GGA2: variants seen among roughly 807,000 people sequenced by gnomAD.
The protein encoded by GGA2 is ADP-ribosylation factor-binding protein GGA2.
Under a neutral mutation model 79.5 loss-of-function variants are expected in GGA2, and 48 were observed. The observed-to-expected ratio is 0.60, with a 90% CI of 0.48 to 0.77. The LOEUF is 0.77. Ranked by LOEUF, GGA2 falls within the 30% of genes least tolerant of loss-of-function variation. The pLI is 0.00. For missense variants in GGA2, 770 were observed against 774.0 expected, an observed-to-expected ratio of 0.99 and a Z score of 0.06; for synonymous variants, 317 against 302.0, an observed-to-expected ratio of 1.05 and a Z score of -0.51.
intron 1 of GGA2, among the ~76,000 whole-genome samples, chr16:23,497,386 C>G (rs984616136): frequency 6.6e-6 from 1 of 152,172 alleles, no homozygotes; most frequent in Non-Finnish European, 1.5e-5. Context: ...AACCCCACTG[C>G]TTCTCCCTCT....
chr16:23,509,810 A>G (rs538339204), intron 1 of GGA2, among the ~76,000 whole-genome samples: 1 of 151,288 alleles, frequency 6.6e-6, no homozygotes, highest in South Asian at 2.1e-4. Context: ...GTCTGGCCAA[A>G]GTAAACACAA....
upstream of GGA2, chr16:23,510,553 G>GCCCCC (rs36021060): frequency 1.8e-5 from 7 of 381,938 alleles, no homozygotes; most frequent in East Asian, 3.8e-5. Context: ...CCCACCCCAG[G>GCCCCC]CCCCCCCTCC....
At position 23,467,654 on chromosome 16, in the gene GGA2, T is replaced by C. The variant is rs1964458438; in HGVS notation, c.1778A>G (p.Gln593Arg). 15 of 1,610,320 alleles carry C rather than the reference T, an allele frequency of 9.3e-6. No homozygotes were observed. The highest frequency in any genetic ancestry group is 1.3e-5 in the Non-Finnish European group (15 of 1,176,582). Residue 593 changes from glutamine (Q) to arginine (R), a missense_variant, in exon 17 of 17, where the codon CAG (glutamine) becomes CGG (arginine). Coordinates refer to ENST00000309859, the MANE Select transcript of GGA2 (RefSeq NM_015044.4). ...RYKLTFNQGG[Q>R]PFSEVGEVKD... ...CACTTCTCCTACTTCGCTGAAAGGC[T>C]GTCCACCTTGGTTGAATGTCAGCTT... is the stretch of plus-strand genomic sequence containing the variant.
chr16:23,478,907 G>A lies in GGA2; in HGVS notation c.1134C>T (p.Ile378=). ...LLHQDLAALG[I]SDAPVTGMVS... is the part of the protein sequence containing the mutation. ...CCATGCCTGTAACAGGAGCATCACT[G>A]ATTCCTGTAAGAAAGGAGTAGAGTG... The change falls in exon 12 of 17, where the codon ATC becomes ATT. Residue 378 remains isoleucine, a synonymous_variant. Coordinates refer to ENST00000309859, the MANE Select transcript of GGA2 (RefSeq NM_015044.4). 1 of 1,603,418 alleles carries A rather than the reference G, an allele frequency of 6.2e-7. No homozygotes were observed. Among genetic ancestry groups the A allele is most frequent in the Non-Finnish European group, 8.5e-7 (1 of 1,170,636 alleles).
At chr16:23,495,802 G>A in intron 1 of GGA2, 24 bp from the exon 2 acceptor site, 1 of 1,520,804 alleles carries the variant, frequency 6.6e-7, no homozygotes, top group Non-Finnish European at 9.1e-7. Flanking sequence ...AATAAAGTTA[G>A]AGAGTACATA....
upstream of GGA2, among the ~76,000 whole-genome samples, chr16:23,515,422 C>T (rs902181435): frequency 1.3e-5 from 2 of 151,402 alleles, no homozygotes; most frequent in South Asian, 2.1e-4. Flanking sequence ...CATGACAAAA[C>T]CCCTTCTCTA....
In GGA2 at chr16:23,486,037, G is replaced by A. The variant is rs775489102; in HGVS notation, c.776C>T (p.Pro259Leu). The change falls in exon 8 of 17, where the codon CCG (proline) becomes CTG (leucine). Residue 259 changes from proline (P) to leucine (L), a missense_variant. By Grantham distance (98) the Pro-to-Leu change is moderately conservative. Transcript: ENST00000309859. ...TACCTGCAGGGCCTCCTGGTCGGGC[G>A]GGGCCTGCCCTGGCCTGCGGTACAT... ...LSMYRRPGQA[P>L]PDQEALQVVY... is the part of the protein sequence containing the mutation. 1.1e-5 allele frequency: 18 copies of A among 1,613,958 alleles called. No homozygotes were observed. Among genetic ancestry groups the A allele is most frequent in the East Asian group, 6.7e-5 (3 of 44,894 alleles).
At chr16:23,485,378 C>T (rs1964698859) in intron 8 of GGA2, among the ~76,000 whole-genome samples, 1 of 152,154 alleles carries the variant, frequency 6.6e-6, no homozygotes, top group Non-Finnish European at 1.5e-5. Context: ...AAACCAAGAT[C>T]TCAAGATGTG....
chr16:23,479,513 C>A (rs1338974299), intron 11 of GGA2, among the ~76,000 whole-genome samples: 6 of 151,728 alleles, frequency 4.0e-5, no homozygotes, highest in African/African-American at 1.5e-4. Context: ...AGCTCACTCC[C>A]CTACTCACAC....
At chr16:23,472,851 G>A (rs1378589839) in intron 14 of GGA2, among the ~76,000 whole-genome samples, 4 of 151,850 alleles carry the variant, frequency 2.6e-5, no homozygotes, top group South Asian at 2.1e-4. Flanking sequence ...TGGCTAACAC[G>A]GTGAAACCCT....
Position 23,486,804 on chromosome 16 carries a change from AC to A in GGA2, c.580-15del. Reference sequence around the variant, plus strand: ...CCTTGTCAGAAGCTGCAGAGAGTGAACAGGAAGAGTAGGTGAGACCACAACT... The same window carrying A: ...CCTTGTCAGAAGCTGCAGAGAGTGAAAGGAAGAGTAGGTGAGACCACAACT... On this transcript the variant is annotated splice_polypyrimidine_tract_variant and intron_variant, in intron 6 of 16. Transcript: ENST00000309859. 1 of 1,551,090 alleles carries A rather than the reference AC, an allele frequency of 6.4e-7. No homozygotes were observed. The highest frequency in any genetic ancestry group is 8.9e-7 in the Non-Finnish European group (1 of 1,122,584).
chr16:23,500,053 T>C (rs1453595968), intron 1 of GGA2, among the ~76,000 whole-genome samples: 1 of 152,214 alleles, frequency 6.6e-6, no homozygotes, highest in East Asian at 1.9e-4. Flanking sequence ...AGGAGCTCCC[T>C]CTGTGCTCTC....
rs763821574 is a variant in GGA2 at position 23,482,963 on chromosome 16, G to A, written c.840C>T (p.Phe280=). The A allele has an allele frequency of 4.0e-5, 65 of 1,612,684 alleles. 1 individual carries two copies. The highest frequency in any genetic ancestry group is 6.7e-5 in the Admixed American group (4 of 59,986). ...CATCAGTGGTGTCACTCGCCAACCG[G>A]AACAGCGTGGGCCGCAGCTTTTCAC... is the stretch of plus-strand genomic sequence containing the variant. ...ERCEKLRPTL[F]RLASDTTDDD... is the part of the protein sequence containing the mutation. The change falls in exon 9 of 17, where the codon TTC becomes TTT. Residue 280 remains phenylalanine, a synonymous_variant. Transcript: ENST00000309859.
At chr16:23,523,050 T>C (rs1597003823), upstream of GGA2, 3 of 152,362 alleles carry the variant, frequency 2.0e-5, no homozygotes, top group South Asian at 4.1e-4. Flanking sequence ...ATTTTATGAC[T>C]TACCCTCAGA....
At chr16:23,494,772 G>A (rs1004872594) in intron 2 of GGA2, among the ~76,000 whole-genome samples, 1 of 152,168 alleles carries the variant, frequency 6.6e-6, no homozygotes. Flanking sequence ...CCAAATATGC[G>A]ACACCACACA....
chr16:23,501,975 C>T (rs1270342677), intron 1 of GGA2, among the ~76,000 whole-genome samples: 2 of 152,148 alleles, frequency 1.3e-5, no homozygotes, highest in Admixed American at 1.3e-4. Flanking sequence ...TGCTCAGAGT[C>T]CACAATCACC....
intron 5 of GGA2, 56 bp from the exon 6 acceptor site, chr16:23,488,765 C>A: frequency 1.0e-6 from 1 of 972,150 alleles, no homozygotes; most frequent in South Asian, 1.3e-5. Context: ...AAACTTCAGT[C>A]AGAATCCAGT....
Position 23,467,416 on chromosome 16 carries a change from A to ACACACACACACACACACACAC in GGA2, c.*173_*174insGTGTGTGTGTGTGTGTGTGTG. The ACACACACACACACACACACAC allele has an allele frequency of 1.7e-6, 1 of 599,994 alleles. No homozygotes were observed. The highest frequency in any genetic ancestry group is 1.9e-5 in the African/African-American group (1 of 54,024). 37.2% of individuals were successfully genotyped at this position (599,994 alleles called of 1,614,324 possible). On this transcript the variant is annotated 3_prime_UTR_variant, in exon 17 of 17. Coordinates refer to ENST00000309859, the MANE Select transcript of GGA2 (RefSeq NM_015044.4). ...CACACACACACACACACACACACAC[A>ACACACACACACACACACACAC]CACACACACACACACACAGAGCATC...
Position 23,464,954 on chromosome 16 carries a change from C to T in GGA2, c.*2636G>A, listed in dbSNP as rs1964416033. 4.2e-6 allele frequency: 1 copy of T among 236,150 alleles called. No individual in the cohort carries two copies. Among genetic ancestry groups the T allele is most frequent in the Middle Eastern group, 1.7e-3 (1 of 586 alleles). The allele number at this position is 236,150 out of a possible 1,614,324, so 14.6% of individuals were successfully genotyped here. A position where few individuals can be genotyped will look rare whatever the true frequency, so the allele number is the denominator to read the frequency against. The stretch of plus-strand genomic sequence containing the variant: ...GATTGGACTCTGGAAAACCATCACA[C>T]TTAAGAGACAGAGGAAAAAGAGCAG... On this transcript the variant is annotated 3_prime_UTR_variant, in exon 17 of 17. Coordinates refer to ENST00000309859, the MANE Select transcript of GGA2 (RefSeq NM_015044.4).
Sources: allele counts gnomAD v4.1 joint callset (sites outside exome capture counted in the v4.1 genomes callset), GRCh38; gene constraint gnomAD v4.1.1; transcripts MANE v1.5; gene names NCBI Gene and HGNC (gene_info 2026-07-23, HGNC 2026-07-21).